TULP1: variants seen among roughly 807,000 people sequenced by gnomAD.
TULP1 encodes tubby-related protein 1.
In TULP1, 50 loss-of-function variants were observed where a neutral mutation model predicts 67.1. The ratio of observed to expected loss-of-function variants is 0.75; its 90% CI spans 0.59 to 0.94. The LOEUF is 0.94. Ranked by LOEUF, TULP1 falls within the 40% of genes least tolerant of loss-of-function variation. The pLI is 0.00. For missense variants in TULP1, 746 were observed against 734.1 expected (o/e 1.02, Z -0.19); for synonymous variants, 297 against 294.0 (o/e 1.01, Z -0.11).
intron 7 of TULP1, 126 bp downstream of exon 7, chr6:35,509,508 G>A (rs186439684): frequency 1.3e-4 from 145 of 1,125,564 alleles, no homozygotes; most frequent in Middle Eastern, 7.9e-4. Flanking sequence ...TGCCCTGCAC[G>A]TTGTCTGACT....
intron 13 of TULP1, among the ~76,000 whole-genome samples, chr6:35,502,404 G>C (rs1056495772): frequency 1.3e-5 from 2 of 152,108 alleles, no homozygotes; most frequent in African/African-American, 4.8e-5. Flanking sequence ...ACGTTGGCCA[G>C]GCTGGTCTCA....
In TULP1 at chr6:35,509,909, G is replaced by A. The variant is rs372589443; in HGVS notation, c.519C>T (p.Asp173=). Reference sequence around the variant, plus strand: ...TAACACGCAGAGGTTTCGGTGGGGGGTCAGGGCTTCCCAGGTCTCCTGGAA... The same window carrying A: ...TAACACGCAGAGGTTTCGGTGGGGGATCAGGGCTTCCCAGGTCTCCTGGAA... ...QGPRGDLGSP[D]PPPKPLRVRN... Residue 173 remains aspartate, a synonymous_variant, in exon 6 of 15, where the codon GAC becomes GAT. Transcript: ENST00000229771. 1.2e-6 allele frequency: 2 copies of A among 1,613,660 alleles called. No homozygotes were observed. Among genetic ancestry groups the A allele is most frequent in the African/African-American group, 2.7e-5 (2 of 74,852 alleles).
intron 5 of TULP1, among the ~76,000 whole-genome samples, chr6:35,510,451 G>T (rs1048454425): frequency 1.3e-5 from 2 of 152,164 alleles, no homozygotes; most frequent in Non-Finnish European, 2.9e-5. Flanking sequence ...CTCTAGGCCA[G>T]GCTGCTGGTC....
Position 35,498,452 on chromosome 6 carries a change from T to A in TULP1, c.1504A>T (p.Ile502Phe), listed in dbSNP as rs751810148. 6.2e-7 allele frequency: 1 copy of A among 1,613,852 alleles called. No individual in the cohort carries two copies. The highest frequency in any genetic ancestry group is 8.5e-7 in the Non-Finnish European group (1 of 1,180,026). ...GCCACGCGGCCGAACTGCAGCACGA[T>A]ATAGTCGGCTATGGACACAAGACGG... ...QIVHADDPDY[I>F]VLQFGRVAED... Residue 502 changes from isoleucine to phenylalanine, a missense_variant, in exon 15 of 15, where the codon ATC becomes TTC. By Grantham distance (21) the Ile-to-Phe change is conservative (BLOSUM62 0). Around this residue, in one of 3 missense-constraint regions of TULP1, gnomAD observed 383 missense variants for 374.1 expected, o/e 1.02. Transcript: ENST00000229771. This position sits in a 1 kb window ranked among gnomAD's most constrained non-coding sequence, Gnocchi z 6.7.
intron 11 of TULP1, chr6:35,505,510 C>T (rs1279886768): frequency 1.0e-5 from 13 of 1,264,892 alleles, no homozygotes; most frequent in Admixed American, 2.1e-5. Flanking sequence ...GTGTGGGCAT[C>T]GCCTGGGTGC....
In TULP1 at chr6:35,503,087, G is replaced by A. The variant is rs1454739653; in HGVS notation, c.1323+472C>T. 1.3e-5 allele frequency among the ~76,000 whole-genome samples: 2 copies of A among 151,902 alleles called. No individual in the cohort carries two copies. Among genetic ancestry groups the A allele is most frequent in the East Asian group, 2.0e-4 (1 of 5,110 alleles). On this transcript the variant is annotated intron_variant, in intron 13 of 14. Coordinates refer to ENST00000229771, the MANE Select transcript of TULP1 (RefSeq NM_003322.6). The surrounding 1 kb of genome is among the most constrained non-coding windows in gnomAD (Gnocchi z 4.0). ...CAAGTAGCTGGGACTATAGGCGCCC[G>A]CCACCATGCCCGGCTAATTTTTTTG...
chr6:35,511,984 C>A, intron 3 of TULP1, 178 bp from the exon 4 acceptor site: 1 of 779,098 alleles, frequency 1.3e-6, no homozygotes, highest in Non-Finnish European at 2.0e-6. Flanking sequence ...CTTCCCACCC[C>A]CTTCTACCCC....
At chr6:35,512,295 G>A (rs769967282) in intron 2 of TULP1, 25 bp from the exon 3 acceptor site, 29 of 1,288,168 alleles carry the variant, frequency 2.3e-5, no homozygotes, top group Non-Finnish European at 2.7e-5. Flanking sequence ...TCAAGAGGAG[G>A]TCGAGGAAGG....
In TULP1 at chr6:35,498,053, AG is replaced by A. The variant is rs112061946; in HGVS notation, c.*273del. The A allele has an allele frequency of 0.014, 7,994 of 572,764 alleles. 326 individuals are homozygous for A. The highest frequency in any genetic ancestry group is 0.11 in the African/African-American group (6,016 of 53,190). 35.5% of individuals were successfully genotyped at this position (572,764 alleles called of 1,614,324 possible). On this transcript the variant is annotated 3_prime_UTR_variant, in exon 15 of 15. Coordinates refer to ENST00000229771, the MANE Select transcript of TULP1 (RefSeq NM_003322.6). The surrounding 1 kb of genome is among the most constrained non-coding windows in gnomAD (Gnocchi z 6.7). ...AGGAAGTGACTGGGGCGCGGGGAGGAGGGGGGCACAGCGGCGCAGGCGAGCT... is the reference window on the plus strand; with the variant it reads ...AGGAAGTGACTGGGGCGCGGGGAGGAGGGGGCACAGCGGCGCAGGCGAGCT...
At chr6:35,512,734 TCCCC>T in intron 1 of TULP1, 44 bp from the exon 2 acceptor site, 2 of 1,079,062 alleles carry the variant, frequency 1.9e-6, no homozygotes, top group Non-Finnish European at 2.7e-6. Flanking sequence ...TCCCCTTCCC[TCCCC>T]ATCCCACCCA....
chr6:35,507,494 AC>A (rs1761109698), intron 8 of TULP1, among the ~76,000 whole-genome samples: 1 of 152,326 alleles, frequency 6.6e-6, no homozygotes, highest in Non-Finnish European at 1.5e-5. Context: ...GTGATTTGTT[AC>A]ATAGCAATGC....
rs754123025 is a variant in TULP1 at position 35,506,293 on chromosome 6, G to C, written c.823-14C>G. 2.8e-5 allele frequency: 44 copies of C among 1,566,038 alleles called. No individual in the cohort carries two copies. In the East Asian group the frequency reaches 1.0e-3, roughly 35 times the overall value. ...ACTCACCGCTTTCTGTGTGCGGAGA[G>C]AACAGAGAGGCTGGCTAGAGCAGGG... On this transcript the variant is annotated splice_polypyrimidine_tract_variant and intron_variant, in intron 8 of 14. Coordinates refer to ENST00000229771, the MANE Select transcript of TULP1 (RefSeq NM_003322.6).
intron 7 of TULP1, 127 bp downstream of exon 7, chr6:35,509,507 C>T (rs955452830): frequency 7.1e-5 from 79 of 1,117,990 alleles, no homozygotes; most frequent in Admixed American, 4.4e-4. Flanking sequence ...ATGCCCTGCA[C>T]GTTGTCTGAC....
rs1206482135 is a variant in TULP1 at position 35,511,754 on chromosome 6, G to A, written c.243C>T (p.Ala81=). The change falls in exon 4 of 15, where the codon GCC becomes GCT. Residue 81 remains alanine, a synonymous_variant. Transcript: ENST00000229771. ...TGGCGTAGACCGTCTGCGGCGCCCG[G>A]GCCTGGGCTGGGTCTGGGGAAGGCT... ...REEPSPDPAQ[A]RAPQTVYARF... is the part of the protein sequence containing the mutation. 2 of 1,582,964 alleles carry A rather than the reference G, an allele frequency of 1.3e-6. No individual in the cohort carries two copies. Among genetic ancestry groups the A allele is most frequent in the Middle Eastern group, 1.7e-4 (1 of 6,010 alleles).
intron 13 of TULP1, among the ~76,000 whole-genome samples, chr6:35,502,026 C>T (rs1760977083): frequency 6.6e-6 from 1 of 152,158 alleles, no homozygotes; most frequent in Admixed American, 6.5e-5. Context: ...TGGCTCTTCC[C>T]ACTGCCCAGG....
chr6:35,511,880 C>T (rs1761213103), intron 3 of TULP1, 74 bp from the exon 4 acceptor site: 1 of 1,441,894 alleles, frequency 6.9e-7, no homozygotes, highest in African/African-American at 1.4e-5. Context: ...CCGCTACCCC[C>T]AAGCCTGGGC....
chr6:35,498,351 G>T lies in TULP1; in HGVS notation c.1605C>A (p.Phe535Leu), dbSNP rs1214120406. The change falls in exon 15 of 15, where the codon TTC becomes TTA. Residue 535 changes from phenylalanine (F) to leucine (L), a missense_variant. Phe to Leu is a conservative substitution (Grantham distance 22). Around this residue, in one of 3 missense-constraint regions of TULP1, gnomAD observed 383 missense variants for 374.1 expected, o/e 1.02. Transcript: ENST00000229771. The surrounding 1 kb of genome is among the most constrained non-coding windows in gnomAD (Gnocchi z 6.7). ...LQAFAIALSS[F>L]DGKLACE ...GTCACTCGCAGGCCAGCTTCCCGTC[G>T]AAACTGGAGAGGGCGATGGCGAAGG... is the stretch of plus-strand genomic sequence containing the variant. 1.9e-6 allele frequency: 3 copies of T among 1,612,844 alleles called. No individual in the cohort carries two copies. In the African/African-American group the frequency reaches 4.0e-5, roughly 22 times the overall value.
chr6:35,504,303 T>G (rs1036315659), intron 11 of TULP1, among the ~76,000 whole-genome samples: 2 of 151,818 alleles, frequency 1.3e-5, no homozygotes, highest in Non-Finnish European at 2.9e-5. Context: ...CTTGATCACA[T>G]CACTGCACTC....
chr6:35,511,600 CCTT>C, intron 4 of TULP1, 45 bp downstream of exon 4: 1 of 1,570,830 alleles, frequency 6.4e-7, no homozygotes. Context: ...CCCCTTCTCT[CCTT>C]AGCTCCACCG....
Sources: allele counts gnomAD v4.1 joint callset (sites outside exome capture counted in the v4.1 genomes callset), GRCh38; gene constraint gnomAD v4.1.1; regional missense constraint gnomAD v4.1.1; non-coding constraint Gnocchi (gnomAD v3.1); transcripts MANE v1.5; gene names NCBI Gene and HGNC (gene_info 2026-07-23, HGNC 2026-07-21).